CDH13: variants seen among roughly 807,000 people sequenced by gnomAD.
CDH13 encodes cadherin 13, also known as cadherin-13.
A neutral mutation model predicts 63.8 loss-of-function variants in CDH13; 24 were observed. The ratio of observed to expected loss-of-function variants is 0.38; its 90% CI spans 0.27 to 0.53. The LOEUF (loss-of-function observed/expected upper bound fraction) is 0.53. Among genes scored for constraint, CDH13 ranks in the 20% least tolerant of loss-of-function variants. The pLI, the probability that CDH13 is intolerant of heterozygous loss-of-function variation, is 0.85. For missense variants in CDH13, 1,049 were observed against 903.1 expected (o/e 1.16, Z -2.07); for synonymous variants, 503 against 355.3 (o/e 1.42, Z -4.67).
At chr16:83,782,085 T>G (rs922446735) in intron 12 of CDH13, among the ~76,000 whole-genome samples, 7 of 152,246 alleles carry the variant, frequency 4.6e-5, no homozygotes, top group African/African-American at 1.4e-4. Flanking sequence ...TCATGTATTT[T>G]TATTTCCCTG....
intron 1 of CDH13, among the ~76,000 whole-genome samples, chr16:82,848,742 A>G (rs186019547): frequency 5.4e-4 from 82 of 152,316 alleles, no homozygotes; most frequent in Middle Eastern, 6.8e-3. Context: ...AGTTAGGCCA[A>G]TGAATAAGCC....
chr16:83,434,956 A>ATATTTTATTTATATATATAAAT (rs2072247578), intron 6 of CDH13, among the ~76,000 whole-genome samples: 1 of 144,222 alleles, frequency 6.9e-6, no homozygotes, highest in Admixed American at 7.0e-5. Flanking sequence ...TATATAAAAC[A>ATATTTTATTTATATATATAAAT]TAGGGGTTTT....
chr16:83,614,929 A>G (rs1909159126), intron 8 of CDH13, among the ~76,000 whole-genome samples: 1 of 152,182 alleles, frequency 6.6e-6, no homozygotes, highest in Non-Finnish European at 1.5e-5. Context: ...CTCCTACTTG[A>G]TGATATCGAT....
At chr16:83,388,037 C>T (rs2091708902) in intron 6 of CDH13, among the ~76,000 whole-genome samples, 1 of 152,044 alleles carries the variant, frequency 6.6e-6, no homozygotes. Context: ...GGTAAAAGAC[C>T]TCCTAGACAT....
chr16:82,877,840 C>T (rs1252660549), intron 2 of CDH13, among the ~76,000 whole-genome samples: 1 of 149,946 alleles, frequency 6.7e-6, no homozygotes, highest in Non-Finnish European at 1.5e-5. Context: ...AACCTGGGGG[C>T]CAGGGAAGAC....
intron 2 of CDH13, among the ~76,000 whole-genome samples, chr16:83,015,722 T>TATATAG (rs1274443631): frequency 8.3e-6 from 1 of 120,570 alleles, no homozygotes; most frequent in Non-Finnish European, 1.7e-5. Context: ...TATATATATA[T>TATATAG]AAAGAAAAAG....
At chr16:83,464,041 C>T (rs1242555890) in intron 6 of CDH13, among the ~76,000 whole-genome samples, 2 of 152,062 alleles carry the variant, frequency 1.3e-5, no homozygotes, top group African/African-American at 2.4e-5. Context: ...TTCGGAAGCT[C>T]CTTTATGCTA....
At chr16:82,729,882 A>G (rs528556120) in intron 1 of CDH13, among the ~76,000 whole-genome samples, 1 of 152,328 alleles carries the variant, frequency 6.6e-6, no homozygotes, top group East Asian at 1.9e-4. Flanking sequence ...AACTCTCTAC[A>G]TCAGCTCTTG....
chr16:82,858,302 A>C, intron 1 of CDH13, 60 bp from the exon 2 acceptor site: 2 of 1,169,236 alleles, frequency 1.7e-6, no homozygotes, highest in Non-Finnish European at 2.5e-6. Context: ...GATTTGGCGA[A>C]AGTTAGCAGG....
chr16:83,391,832 G>A (rs2091792821), intron 6 of CDH13, among the ~76,000 whole-genome samples: 1 of 152,350 alleles, frequency 6.6e-6, no homozygotes, highest in Non-Finnish European at 1.5e-5. Context: ...GGTCTGCATT[G>A]TGGTGATGTG....
At position 82,804,088 on chromosome 16, in the gene CDH13, C is replaced by T. The variant is rs534159432; in HGVS notation, c.46-54274C>T. On this transcript the variant is annotated intron_variant, in intron 1 of 13. Transcript: ENST00000567109. The stretch of plus-strand genomic sequence containing the variant: ...ACTAAAAATATAAAAATTAGCTGGG[C>T]GTGGTGGTGCGCGCCTGTAGTCCCA... Among the ~76,000 whole-genome samples, 24 of 144,632 alleles carry T rather than the reference C, an allele frequency of 1.7e-4. No individual in the cohort carries two copies. The South Asian group carries it at 5.2e-3, about 32-fold the overall frequency. 94.9% of individuals were successfully genotyped at this position (144,632 alleles called of 152,430 possible).
At chr16:83,784,230 G>C (rs957931267) in intron 13 of CDH13, among the ~76,000 whole-genome samples, 1 of 152,154 alleles carries the variant, frequency 6.6e-6, no homozygotes, top group Non-Finnish European at 1.5e-5. Context: ...GAAAACAGAA[G>C]GTTTTTTATC....
rs181398568 is a variant in CDH13, at chr16:83,090,659, C to G, written c.367-34726C>G. 5.3e-5 allele frequency among the ~76,000 whole-genome samples: 8 copies of G among 152,140 alleles called. No individual in the cohort carries two copies. The East Asian group carries it at 9.7e-4, about 18-fold the overall frequency. The stretch of plus-strand genomic sequence containing the variant: ...ACATTCCTAGCCCAGGCTCTGCACT[C>G]TCGGTAATCCCTCTGACTGACTCTC... On this transcript the variant is annotated intron_variant, in intron 3 of 13. Coordinates refer to ENST00000567109, the MANE Select transcript of CDH13 (RefSeq NM_001257.5).
chr16:83,501,051 C>G (rs529420488), intron 7 of CDH13, among the ~76,000 whole-genome samples: 1 of 152,132 alleles, frequency 6.6e-6, no homozygotes, highest in African/African-American at 2.4e-5. Flanking sequence ...AAATAATAAG[C>G]ATTCTTATTT....
At chr16:82,859,124 C>G (rs1358626685) in intron 2 of CDH13, 1 of 152,200 alleles carries the variant, frequency 6.6e-6, no homozygotes, top group East Asian at 1.9e-4. Context: ...TGTTAGGGTA[C>G]ATTGCTAAAT....
chr16:83,275,468 A>C (rs1208559973), intron 5 of CDH13, among the ~76,000 whole-genome samples: 1 of 152,152 alleles, frequency 6.6e-6, no homozygotes, highest in Non-Finnish European at 1.5e-5. Flanking sequence ...CACTGACATT[A>C]GTGCTCATGC....
At chr16:83,155,999 AG>A (rs2037194136) in intron 4 of CDH13, among the ~76,000 whole-genome samples, 1 of 152,166 alleles carries the variant, frequency 6.6e-6, no homozygotes, top group African/African-American at 2.4e-5. Context: ...GTCCACATGC[AG>A]CCAAGGTTGA....
intron 3 of CDH13, among the ~76,000 whole-genome samples, chr16:83,061,300 A>G (rs2031528460): frequency 6.6e-6 from 1 of 152,186 alleles, no homozygotes; most frequent in Non-Finnish European, 1.5e-5. Context: ...TAGACAATTG[A>G]GGCTGTACAT....
rs1362796728 is a variant in CDH13, at chr16:82,678,570, C to G, written c.45+51433C>G. Among the ~76,000 whole-genome samples the G allele has an allele frequency of 2.0e-5, 3 of 152,172 alleles. No homozygotes were observed. The East Asian group carries it at 5.8e-4, about 29-fold the overall frequency. The stretch of plus-strand genomic sequence containing the variant: ...GCCTTCTCCGGATGAGGAAGCTTGT[C>G]AGAAGCTTGAGTGACTGGTAAGGAG... On this transcript the variant is annotated intron_variant, in intron 1 of 13. Transcript: ENST00000567109.
Sources: allele counts gnomAD v4.1 joint callset (sites outside exome capture counted in the v4.1 genomes callset), GRCh38; gene constraint gnomAD v4.1.1; transcripts MANE v1.5; gene names NCBI Gene and HGNC (gene_info 2026-07-23, HGNC 2026-07-21).